PCGF5: variants seen among roughly 807,000 people sequenced by gnomAD.
PCGF5 encodes the protein polycomb group ring finger 5, also known as polycomb group RING finger protein 5.
In PCGF5, 9 loss-of-function variants were observed where a neutral mutation model predicts 44.3. The observed-to-expected ratio is 0.20, with a 90% CI of 0.12 to 0.35. The LOEUF (loss-of-function observed/expected upper bound fraction) is 0.35, where lower values mean the gene tolerates loss of function less well. PCGF5 is among the 10% of genes least tolerant of loss of function. The probability of loss-of-function intolerance (pLI) is 1.00; values close to 1 mark genes in which losing one functional copy is unlikely to be tolerated. For synonymous variants in PCGF5, 95 were observed against 102.5 expected, an observed-to-expected ratio of 0.93 and a Z score of 0.44; for missense variants, 146 against 305.3, an observed-to-expected ratio of 0.48 and a Z score of 3.89.
the PCGF5 span, among the ~76,000 whole-genome samples, chr10:91,157,090 G>A: frequency 1.3e-5 from 2 of 152,018 alleles, no homozygotes; most frequent in East Asian, 3.9e-4. Context: ...CATGTTATAG[G>A]GTTGATGTGA....
intron 1 of PCGF5, among the ~76,000 whole-genome samples, chr10:91,163,603 C>T (rs1029603515): frequency 5.3e-5 from 8 of 152,114 alleles, no homozygotes; most frequent in Non-Finnish European, 1.0e-4. Flanking sequence ...GTTTGGGGGC[C>T]GCTGGCTCGG....
chr10:91,283,272 T>A lies in PCGF5; in HGVS notation c.*4956T>A, dbSNP rs1032657871. The A allele has an allele frequency of 6.6e-6, 1 of 152,224 alleles. No individual in the cohort carries two copies. 9.4% of individuals were successfully genotyped at this position (152,224 alleles called of 1,614,324 possible). A position where few individuals can be genotyped will look rare whatever the true frequency, so the allele number is the denominator to read the frequency against. On this transcript the variant is annotated 3_prime_UTR_variant, in exon 10 of 10. Transcript: ENST00000336126. ...TCGAGCACTTCCTTTCAGAAAGTTA[T>A]AAAATTAAAAATAATTATTTTAAAT...
upstream of PCGF5, among the ~76,000 whole-genome samples, chr10:91,160,135 G>A (rs1440636789): frequency 1.3e-5 from 2 of 152,060 alleles, no homozygotes; most frequent in Middle Eastern, 3.2e-3. Context: ...CTTCCACCAA[G>A]AATACCCTTC....
chr10:91,237,562 G>A (rs1845198913), intron 2 of PCGF5, among the ~76,000 whole-genome samples: 2 of 152,094 alleles, frequency 1.3e-5, no homozygotes, highest in African/African-American at 4.8e-5. Flanking sequence ...GGCTAACATG[G>A]CGAAACCCCG....
At chr10:91,172,273 G>A (rs1843622438) in intron 1 of PCGF5, among the ~76,000 whole-genome samples, 1 of 152,146 alleles carries the variant, frequency 6.6e-6, no homozygotes, top group African/African-American at 2.4e-5. Flanking sequence ...ACAGAAATTA[G>A]CTGGGCGTGG....
chr10:91,176,494 C>T (rs1157347316), intron 1 of PCGF5, among the ~76,000 whole-genome samples: 1 of 152,180 alleles, frequency 6.6e-6, no homozygotes, highest in African/African-American at 2.4e-5. Flanking sequence ...TGGATAATAT[C>T]CTGCAGAGTG....
At chr10:91,219,466 T>G (rs1589374566), upstream of PCGF5, among the ~76,000 whole-genome samples, 1 of 152,332 alleles carries the variant, frequency 6.6e-6, no homozygotes, top group Admixed American at 6.5e-5. Context: ...GTAGTGTGAT[T>G]TTTCACATAC....
intron 1 of PCGF5, among the ~76,000 whole-genome samples, chr10:91,197,914 TCTC>T (rs1485191256): frequency 5.9e-5 from 9 of 152,174 alleles, no homozygotes; most frequent in African/African-American, 2.2e-4. Context: ...AGGAAAGAGT[TCTC>T]CTGGTTCTCA....
rs1237969367 is a variant in PCGF5, at chr10:91,280,915, TA to T, written c.*2603del. 6.6e-6 allele frequency: 1 copy of T among 152,522 alleles called. No homozygotes were observed. The highest frequency in any genetic ancestry group is 6.5e-5 in the Admixed American group (1 of 15,276). The allele number at this position is 152,522 out of a possible 1,614,324, so 9.4% of individuals were successfully genotyped here. On this transcript the variant is annotated 3_prime_UTR_variant, in exon 10 of 10. Coordinates refer to ENST00000336126, the MANE Select transcript of PCGF5 (RefSeq NM_032373.5). ...CATCTGAATCTGTAACATCAGAGAC[TA>T]AAACTAAAAGTTTTCTTTAATCTGT...
At chr10:91,214,559 G>T (rs1312664638) in intron 1 of PCGF5, among the ~76,000 whole-genome samples, 1 of 152,182 alleles carries the variant, frequency 6.6e-6, no homozygotes, top group Non-Finnish European at 1.5e-5. Context: ...ATTTGTCCAG[G>T]CATATACAGG....
chr10:91,261,741 A>C (rs1224658655), intron 7 of PCGF5, among the ~76,000 whole-genome samples: 3 of 152,196 alleles, frequency 2.0e-5, no homozygotes, highest in African/African-American at 7.2e-5. Flanking sequence ...AGGGCATGTC[A>C]TTTTTTATCT....
intron 9 of PCGF5, among the ~76,000 whole-genome samples, chr10:91,275,747 C>T (rs146564114): frequency 2.0e-4 from 30 of 152,180 alleles, no homozygotes; most frequent in African/African-American, 6.5e-4. Context: ...GCCACTGCGC[C>T]CAGCCAGAAC....
At chr10:91,163,420 C>T (rs1347988256) in intron 1 of PCGF5, among the ~76,000 whole-genome samples, 1 of 151,982 alleles carries the variant, frequency 6.6e-6, no homozygotes, top group Non-Finnish European at 1.5e-5. Context: ...GCGGGAGCAG[C>T]GGCTCCCTGG....
At chr10:91,215,896 A>G (rs1163756231), upstream of PCGF5, among the ~76,000 whole-genome samples, 2 of 152,176 alleles carry the variant, frequency 1.3e-5, no homozygotes, top group African/African-American at 4.8e-5. Context: ...CCCTGGTGTG[A>G]TTTTAATTAA....
chr10:91,214,672 A>AGAG (rs2133258542), intron 1 of PCGF5, among the ~76,000 whole-genome samples: 1 of 152,334 alleles, frequency 6.6e-6, no homozygotes, highest in Non-Finnish European at 1.5e-5. Flanking sequence ...GCACACTGGT[A>AGAG]GAGGAGCACG....
intron 1 of PCGF5, among the ~76,000 whole-genome samples, chr10:91,208,535 G>A (rs916263420): frequency 1.3e-5 from 2 of 152,146 alleles, no homozygotes; most frequent in African/African-American, 4.8e-5. Flanking sequence ...CAAAGCTGTA[G>A]GCATCTATGG....
intron 1 of PCGF5, among the ~76,000 whole-genome samples, chr10:91,215,149 A>G (rs931166696): frequency 6.6e-6 from 1 of 152,238 alleles, no homozygotes; most frequent in African/African-American, 2.4e-5. Flanking sequence ...TGTTCAAATC[A>G]GGAACAACAG....
intron 6 of PCGF5, among the ~76,000 whole-genome samples, chr10:91,260,689 T>G: frequency 6.6e-6 from 1 of 151,868 alleles, no homozygotes. Flanking sequence ...AAACCATCAT[T>G]CTCAGCAAAC....
At chr10:91,270,176 T>C (rs1846145797) in intron 8 of PCGF5, among the ~76,000 whole-genome samples, 1 of 152,212 alleles carries the variant, frequency 6.6e-6, no homozygotes, top group South Asian at 2.1e-4. Flanking sequence ...ACGTTCTTCC[T>C]GCTCACCTTT....
Sources: gnomAD v4.1 joint callset for allele counts (sites outside exome capture counted in the v4.1 genomes callset) on GRCh38, gnomAD v4.1.1 for gene constraint, MANE v1.5 for transcripts, NCBI Gene and HGNC (gene_info 2026-07-23, HGNC 2026-07-21) for gene names.